Variants in PRTG observed in about 807,000 individuals in gnomAD.
PRTG encodes protogenin, also known as immunoglobulin superfamily, DCC subclass, member 5.
Under a neutral mutation model 122.5 loss-of-function variants are expected in PRTG, and 67 were observed. The observed-to-expected ratio is 0.55, with a 90% confidence interval of 0.45 to 0.67. The LOEUF is 0.67. Ranked by LOEUF, PRTG falls within the 30% of genes least tolerant of loss-of-function variation. PRTG has a pLI of 0.00. For missense variants in PRTG, 1,435 were observed against 1,415.4 expected, an observed-to-expected ratio of 1.01 and a Z score of -0.22; for synonymous variants, 554 against 501.1, an observed-to-expected ratio of 1.11 and a Z score of -1.41.
intron 19 of PRTG, 60 bp downstream of exon 19, chr15:55,620,603 T>C (rs2059160690): frequency 6.5e-7 from 1 of 1,535,652 alleles, no homozygotes; most frequent in Admixed American, 2.3e-5. Context: ...TTTCCTCTTT[T>C]TAAATCATCA....
intron 11 of PRTG, chr15:55,656,427 T>C (rs1369815950): frequency 4.6e-6 from 2 of 433,876 alleles, no homozygotes; most frequent in Non-Finnish European, 9.1e-6. Flanking sequence ...TAAAGGAAAA[T>C]AAAAAATCTA....
chr15:55,659,091 G>T (rs900599001), intron 11 of PRTG, among the ~76,000 whole-genome samples: 2 of 152,160 alleles, frequency 1.3e-5, no homozygotes, highest in African/African-American at 4.8e-5. Context: ...GATAAATCAA[G>T]ATAAAGGTCA....
chr15:55,735,920 C>T (rs2031396949), intron 2 of PRTG, among the ~76,000 whole-genome samples: 1 of 152,102 alleles, frequency 6.6e-6, no homozygotes, highest in African/African-American at 2.4e-5. Flanking sequence ...CTAAAAAAGC[C>T]TGTAGAACTA....
intron 2 of PRTG, among the ~76,000 whole-genome samples, chr15:55,726,572 C>T (rs774499157): frequency 1.5e-4 from 23 of 148,648 alleles, no homozygotes; most frequent in Middle Eastern, 7.0e-3. Flanking sequence ...GTGGAGGTTA[C>T]AGTGAGCCGA....
intron 11 of PRTG, among the ~76,000 whole-genome samples, chr15:55,648,586 A>AC (rs1185863866): frequency 6.6e-6 from 1 of 152,178 alleles, no homozygotes; most frequent in African/African-American, 2.4e-5. Context: ...GAGAGTGATG[A>AC]CCCACTCATC....
At chr15:55,690,779 G>C (rs1344957) in intron 2 of PRTG, among the ~76,000 whole-genome samples, 138,727 of 152,212 alleles carry the variant, frequency 0.91, 64,660 homozygotes, top group Non-Finnish European at 1. Context: ...ATAACAATAG[G>C]TTAACATTTA....
At chr15:55,641,789 G>A (rs1020072979) in intron 11 of PRTG, among the ~76,000 whole-genome samples, 2 of 152,138 alleles carry the variant, frequency 1.3e-5, no homozygotes, top group Non-Finnish European at 2.9e-5. Flanking sequence ...CAAGAAAGAT[G>A]AGTTGGAGCT....
chr15:55,727,249 C>T (rs541668637), intron 2 of PRTG, among the ~76,000 whole-genome samples: 14 of 150,358 alleles, frequency 9.3e-5, no homozygotes, highest in African/African-American at 3.4e-4. Flanking sequence ...ATGAACAAAA[C>T]TAACAAAACT....
intron 2 of PRTG, among the ~76,000 whole-genome samples, chr15:55,724,643 T>C (rs562810723): frequency 6.6e-6 from 1 of 151,970 alleles, no homozygotes; most frequent in East Asian, 1.9e-4. Context: ...CCTGTAATCC[T>C]AGCTACTCAG....
rs541838485 is a variant in PRTG at position 55,639,177 on chromosome 15, G to A, written c.2324+465C>T. Among the ~76,000 whole-genome samples the A allele has an allele frequency of 3.9e-5, 6 of 152,246 alleles. No individual in the cohort carries two copies. The South Asian group carries it at 6.2e-4, about 16-fold the overall frequency. The stretch of plus-strand genomic sequence containing the variant: ...TTTTGGAGAGATGGGATCTGGCTAT[G>A]TTGCCCAGGCTGATCTTAAACTTCT... On this transcript the variant is annotated intron_variant, in intron 13 of 19. Coordinates refer to ENST00000389286, the MANE Select transcript of PRTG (RefSeq NM_173814.6).
intron 16 of PRTG, among the ~76,000 whole-genome samples, chr15:55,628,426 C>T (rs1337985664): frequency 1.3e-5 from 2 of 151,528 alleles, no homozygotes; most frequent in Non-Finnish European, 2.9e-5. Flanking sequence ...AAAGCTGTTT[C>T]TCTGTGGTGA....
At chr15:55,711,193 AT>A (rs1332237090) in intron 2 of PRTG, among the ~76,000 whole-genome samples, 2 of 150,660 alleles carry the variant, frequency 1.3e-5, no homozygotes. Flanking sequence ...AACTGTTGAG[AT>A]TACAGGCGTG....
chr15:55,720,042 A>G (rs1367892900), intron 2 of PRTG, among the ~76,000 whole-genome samples: 2 of 149,240 alleles, frequency 1.3e-5, no homozygotes, highest in African/African-American at 5.0e-5. Context: ...CTGGGCAACG[A>G]GAGTGAAACT....
chr15:55,694,486 A>G (rs750354302), intron 2 of PRTG, among the ~76,000 whole-genome samples: 27 of 152,320 alleles, frequency 1.8e-4, no homozygotes, highest in South Asian at 4.1e-4. Context: ...CCTGGAAATT[A>G]CAAGAAAAAA....
At position 55,616,682 on chromosome 15, in the gene PRTG, C is replaced by T. The variant is rs145843690; in HGVS notation, c.*3330G>A. 1.3e-5 allele frequency: 2 copies of T among 152,226 alleles called. No individual in the cohort carries two copies. Among genetic ancestry groups the T allele is most frequent in the East Asian group, 1.9e-4 (1 of 5,192 alleles). The allele number at this position is 152,226 out of a possible 1,614,324, so 9.4% of individuals were successfully genotyped here. A position where few individuals can be genotyped will look rare whatever the true frequency, so the allele number is the denominator to read the frequency against. ...CAGTTTAATGTACAACTATATTTGCCTATATGCGGAGGTAACCTTAAATAT... is the reference window on the plus strand; with the variant it reads ...CAGTTTAATGTACAACTATATTTGCTTATATGCGGAGGTAACCTTAAATAT... On this transcript the variant is annotated 3_prime_UTR_variant, in exon 20 of 20. Transcript: ENST00000389286.
rs903380750 is a variant in PRTG, at chr15:55,676,560, T to C, written c.1382-877A>G. Among the ~76,000 whole-genome samples, 8 of 152,204 alleles carry C rather than the reference T, an allele frequency of 5.3e-5. No individual in the cohort carries two copies. The East Asian group carries it at 1.2e-3, about 22-fold the overall frequency. ...TTCCCACATTTCTGAATTAACTTGA[T>C]AGCATTTTAATTAGACAAGATTACA... On this transcript the variant is annotated intron_variant, in intron 8 of 19. Coordinates refer to ENST00000389286, the MANE Select transcript of PRTG (RefSeq NM_173814.6).
intron 2 of PRTG, among the ~76,000 whole-genome samples, chr15:55,686,471 C>A (rs1211423751): frequency 6.6e-6 from 1 of 152,098 alleles, no homozygotes. Context: ...CTTCCACGAC[C>A]CCACAATGAA....
chr15:55,709,009 G>A (rs2030262989), intron 2 of PRTG, among the ~76,000 whole-genome samples: 1 of 151,586 alleles, frequency 6.6e-6, no homozygotes, highest in Non-Finnish European at 1.5e-5. Context: ...AGCTTGGTGT[G>A]GTGGTGCGTG....
At chr15:55,692,653 G>A (rs538948187) in intron 2 of PRTG, among the ~76,000 whole-genome samples, 2 of 151,758 alleles carry the variant, frequency 1.3e-5, no homozygotes, top group Admixed American at 6.6e-5. Context: ...TATTCATCTT[G>A]ATTTAAGTGT....
Sources: gnomAD v4.1 joint callset for allele counts (sites outside exome capture counted in the v4.1 genomes callset) on GRCh38, gnomAD v4.1.1 for gene constraint, MANE v1.5 for transcripts, NCBI Gene and HGNC (gene_info 2026-07-23, HGNC 2026-07-21) for gene names.